Variants in NRXN3 observed in about 807,000 individuals in gnomAD.
NRXN3 encodes neurexin III.
A neutral mutation model predicts 137.6 loss-of-function variants in NRXN3; 32 were observed. The ratio of observed to expected loss-of-function variants is 0.23; its 90% confidence interval spans 0.18 to 0.31. The LOEUF (loss-of-function observed/expected upper bound fraction) is 0.31. Ranked by LOEUF, NRXN3 falls within the 10% of genes least tolerant of loss-of-function variation. NRXN3 has a pLI of 1.00. For synonymous variants in NRXN3, 798 were observed against 784.5 expected, an observed-to-expected ratio of 1.02 and a Z score of -0.29; for missense variants, 1,574 against 2,062.5, an observed-to-expected ratio of 0.76 and a Z score of 4.59.
intron 17 of NRXN3, among the ~76,000 whole-genome samples, chr14:79,676,592 GAAGA>G (rs201112398): frequency 0.012 from 1,773 of 151,970 alleles, 12 homozygotes; most frequent in Non-Finnish European, 0.018. Flanking sequence ...ATACGACAAA[GAAGA>G]AAGAAAGGAA....
chr14:79,307,921 G>A (rs2086393605), intron 15 of NRXN3, among the ~76,000 whole-genome samples: 1 of 151,998 alleles, frequency 6.6e-6, no homozygotes. Context: ...TATTACAGTT[G>A]TGGAAACTAA....
chr14:78,487,908 TG>T (rs1479690989), intron 4 of NRXN3, among the ~76,000 whole-genome samples: 4 of 152,126 alleles, frequency 2.6e-5, no homozygotes, highest in Non-Finnish European at 5.9e-5. Context: ...ACTTCATAAA[TG>T]CCCTATTTTT....
chr14:78,820,762 T>C (rs750789676), intron 10 of NRXN3, among the ~76,000 whole-genome samples: 5 of 152,106 alleles, frequency 3.3e-5, no homozygotes, highest in Admixed American at 3.3e-4. Context: ...AATCTAAGTG[T>C]CCTTCCTAAA....
intron 8 of NRXN3, among the ~76,000 whole-genome samples, chr14:78,759,124 A>G (rs538610372): frequency 1.5e-4 from 23 of 152,324 alleles, no homozygotes; most frequent in Middle Eastern, 3.4e-3. Flanking sequence ...ACCAGATGTT[A>G]GGCACTTTAG....
chr14:78,599,214 A>C (rs1457176787), intron 4 of NRXN3, among the ~76,000 whole-genome samples: 2 of 152,238 alleles, frequency 1.3e-5, no homozygotes, highest in African/African-American at 4.8e-5. Flanking sequence ...AGTTTAACTC[A>C]TGGAAAGGAA....
At chr14:79,187,856 G>C (rs2153163433) in intron 15 of NRXN3, among the ~76,000 whole-genome samples, 1 of 152,272 alleles carries the variant, frequency 6.6e-6, no homozygotes, top group South Asian at 2.1e-4. Flanking sequence ...TGAGGACATG[G>C]GTCATGCCCT....
chr14:79,220,428 T>C (rs925697392), intron 15 of NRXN3, among the ~76,000 whole-genome samples: 3 of 152,180 alleles, frequency 2.0e-5, no homozygotes, highest in African/African-American at 7.2e-5. Flanking sequence ...GAGTGGTACA[T>C]TTCTTACAAT....
intron 16 of NRXN3, 59 bp from the exon 17 acceptor site, chr14:79,663,719 T>G: frequency 6.6e-7 from 1 of 1,509,248 alleles, no homozygotes; most frequent in Non-Finnish European, 9.1e-7. Context: ...GGATCAAGTT[T>G]AAAGGGAGAG....
At chr14:79,554,302 A>AAAATGG (rs1455539646) in intron 16 of NRXN3, among the ~76,000 whole-genome samples, 6 of 152,212 alleles carry the variant, frequency 3.9e-5, no homozygotes, top group African/African-American at 1.4e-4. Flanking sequence ...GAAGACTCGT[A>AAAATGG]AAATGGAAAC....
chr14:79,497,025 G>T (rs890917674), intron 16 of NRXN3, among the ~76,000 whole-genome samples: 8 of 152,208 alleles, frequency 5.3e-5, no homozygotes, highest in African/African-American at 1.9e-4. Flanking sequence ...GAGCCAACAG[G>T]CCTGGAAGAC....
intron 8 of NRXN3, among the ~76,000 whole-genome samples, chr14:78,795,203 TG>T (rs1163534243): frequency 1.3e-5 from 2 of 152,200 alleles, no homozygotes; most frequent in African/African-American, 4.8e-5. Context: ...TAACACAGAC[TG>T]GGAAGGGTGG....
At chr14:79,353,164 T>C (rs1200646941) in intron 15 of NRXN3, among the ~76,000 whole-genome samples, 1 of 152,006 alleles carries the variant, frequency 6.6e-6, no homozygotes, top group Non-Finnish European at 1.5e-5. Flanking sequence ...TCTAATAATC[T>C]CACTTTCTGA....
intron 16 of NRXN3, among the ~76,000 whole-genome samples, chr14:79,567,539 C>T (rs1360710819): frequency 6.6e-6 from 1 of 151,988 alleles, no homozygotes; most frequent in African/African-American, 2.4e-5. Flanking sequence ...ACTTAATTCC[C>T]ACGGCCCTTG....
At chr14:79,562,754 A>C (rs750127690) in intron 16 of NRXN3, among the ~76,000 whole-genome samples, 1 of 152,172 alleles carries the variant, frequency 6.6e-6, no homozygotes, top group Non-Finnish European at 1.5e-5. Flanking sequence ...GTCACTTCAA[A>C]ACTTACCTTG....
chr14:79,371,235 A>C (rs1453520247), intron 15 of NRXN3, among the ~76,000 whole-genome samples: 2 of 152,150 alleles, frequency 1.3e-5, no homozygotes, highest in Admixed American at 6.5e-5. Flanking sequence ...CCCTTTAGTC[A>C]TGTGTTTGTA....
chr14:79,763,142 T>C (rs2099044382), intron 19 of NRXN3, among the ~76,000 whole-genome samples: 1 of 151,474 alleles, frequency 6.6e-6, no homozygotes. Context: ...GTTCCTGTGT[T>C]AGTTTGCTGA....
chr14:79,258,424 C>T (rs2077090654), intron 15 of NRXN3, among the ~76,000 whole-genome samples: 4 of 152,160 alleles, frequency 2.6e-5, no homozygotes, highest in Admixed American at 1.3e-4. Flanking sequence ...AGGCTGGTCT[C>T]GAACTCCTGC....
At chr14:79,259,709 TACACACACACACACACACACAC>T (rs71131688) in intron 15 of NRXN3, among the ~76,000 whole-genome samples, 15 of 139,746 alleles carry the variant, frequency 1.1e-4, no homozygotes, top group Non-Finnish European at 3.1e-5. Flanking sequence ...TATAGTTTTA[TACACACACACACACACACACAC>T]ACACACACAC....
chr14:79,267,978 TGTTA>T (rs1479042368), intron 15 of NRXN3, among the ~76,000 whole-genome samples: 3 of 152,252 alleles, frequency 2.0e-5, no homozygotes, highest in Admixed American at 1.3e-4. Flanking sequence ...ATTTCTGGAC[TGTTA>T]GTTATGCCAT....
Sources: allele counts gnomAD v4.1 joint callset (sites outside exome capture counted in the v4.1 genomes callset), GRCh38; gene constraint gnomAD v4.1.1; transcripts MANE v1.5; gene names NCBI Gene and HGNC (gene_info 2026-07-23, HGNC 2026-07-21).